Variants in CTNNA2 observed in about 807,000 individuals in gnomAD.
CTNNA2 encodes the protein catenin alpha-2.
A neutral mutation model predicts 101.0 loss-of-function variants in CTNNA2; 42 were observed. That is an observed-to-expected ratio of 0.42 (90% CI 0.32 to 0.54). The LOEUF is 0.54. Among genes scored for constraint, CTNNA2 ranks in the 20% least tolerant of loss-of-function variants. The pLI, the probability that CTNNA2 is intolerant of heterozygous loss-of-function variation, is 0.14. For synonymous variants in CTNNA2, 450 were observed against 456.4 expected, an observed-to-expected ratio of 0.99 and a Z score of 0.18; for missense variants, 871 against 1,223.1, an observed-to-expected ratio of 0.71 and a Z score of 4.29.
intron 14 of CTNNA2, among the ~76,000 whole-genome samples, chr2:80,587,490 C>T (rs111260891): frequency 6.6e-6 from 1 of 152,080 alleles, no homozygotes; most frequent in African/African-American, 2.4e-5. Context: ...CCACCATCAC[C>T]TTTTGAGGTA....
At chr2:79,418,419 C>T (rs1678506335) in intron 4 of CTNNA2, among the ~76,000 whole-genome samples, 1 of 152,120 alleles carries the variant, frequency 6.6e-6, no homozygotes, top group Admixed American at 6.6e-5. Context: ...AGTAGCTTGA[C>T]CTAAGCCCAG....
At chr2:79,622,442 T>C (rs960469575) in intron 1 of CTNNA2, among the ~76,000 whole-genome samples, 1 of 152,240 alleles carries the variant, frequency 6.6e-6, no homozygotes, top group Non-Finnish European at 1.5e-5. Flanking sequence ...GAAGAATTTA[T>C]GTAATGATCC....
At chr2:80,539,428 G>T (rs1691349497) in intron 9 of CTNNA2, among the ~76,000 whole-genome samples, 1 of 127,622 alleles carries the variant, frequency 7.8e-6, no homozygotes. Context: ...AAAAAAAAAA[G>T]TTATATTCAT....
intron 7 of CTNNA2, among the ~76,000 whole-genome samples, chr2:80,213,354 G>T (rs902638965): frequency 6.6e-6 from 1 of 152,096 alleles, no homozygotes; most frequent in Non-Finnish European, 1.5e-5. Context: ...GGCATTTAGT[G>T]CTATAAATTT....
intron 2 of CTNNA2, among the ~76,000 whole-genome samples, chr2:79,239,638 G>A (rs556979326): frequency 1.6e-4 from 25 of 152,208 alleles, no homozygotes; most frequent in African/African-American, 6.0e-4. Flanking sequence ...ATAGGCACAG[G>A]CAAAGATTTC....
intron 2 of CTNNA2, among the ~76,000 whole-genome samples, chr2:79,683,862 A>G (rs1411873993): frequency 1.3e-5 from 2 of 152,200 alleles, no homozygotes; most frequent in Non-Finnish European, 2.9e-5. Context: ...AAGCACTTGG[A>G]GTCTTTGTGT....
At chr2:79,264,654 G>A (rs1480626066) in intron 2 of CTNNA2, among the ~76,000 whole-genome samples, 1 of 152,056 alleles carries the variant, frequency 6.6e-6, no homozygotes, top group African/African-American at 2.4e-5. Context: ...AATCTCAGGA[G>A]TCAGGATGGT....
Position 79,869,804 on chromosome 2 carries a change from T to A in CTNNA2, c.466-12T>A, listed in dbSNP as rs1682447768. On this transcript the variant is annotated splice_polypyrimidine_tract_variant and intron_variant, in intron 4 of 18. Transcript: ENST00000402739. ...TATCCACTAATAAATATGTTGTTTT[T>A]CACCACTGCAGGTGGAAGAGGCCCT... The A allele has an allele frequency of 6.2e-7, 1 of 1,606,906 alleles. No individual in the cohort carries two copies. The highest frequency in any genetic ancestry group is 1.3e-5 in the African/African-American group (1 of 74,444).
intron 7 of CTNNA2, among the ~76,000 whole-genome samples, chr2:80,376,203 C>T (rs992105222): frequency 6.6e-6 from 1 of 152,042 alleles, no homozygotes; most frequent in Non-Finnish European, 1.5e-5. Flanking sequence ...TCCTAAATTC[C>T]TAATGAACTG....
intron 2 of CTNNA2, among the ~76,000 whole-genome samples, chr2:79,690,490 A>G (rs555086146): frequency 8.5e-5 from 13 of 152,164 alleles, no homozygotes; most frequent in Admixed American, 3.3e-4. Flanking sequence ...ATGGCCACAT[A>G]GTATTCCGTA....
At chr2:80,193,708 A>G (rs774288659) in intron 7 of CTNNA2, among the ~76,000 whole-genome samples, 7 of 152,100 alleles carry the variant, frequency 4.6e-5, no homozygotes, top group Non-Finnish European at 1.0e-4. Context: ...TTGAGCTCTT[A>G]TCATGTGTAA....
At chr2:79,356,071 A>T (rs1183986739) in intron 3 of CTNNA2, among the ~76,000 whole-genome samples, 1 of 151,446 alleles carries the variant, frequency 6.6e-6, no homozygotes, top group Non-Finnish European at 1.5e-5. Context: ...TATATATATA[A>T]ATATAAATAT....
chr2:79,910,826 T>C (rs1470820921), intron 7 of CTNNA2, among the ~76,000 whole-genome samples: 3 of 152,016 alleles, frequency 2.0e-5, no homozygotes, highest in African/African-American at 7.3e-5. Flanking sequence ...TGAGTAAAAA[T>C]ATGTAGCTAA....
chr2:79,441,029 T>C (rs927001680), intron 4 of CTNNA2, among the ~76,000 whole-genome samples: 6 of 152,204 alleles, frequency 3.9e-5, no homozygotes, highest in East Asian at 1.9e-4. Flanking sequence ...TGCCGAGCAA[T>C]GTTCTTCTTA....
intron 7 of CTNNA2, among the ~76,000 whole-genome samples, chr2:80,365,464 T>A (rs1015173468): frequency 6.6e-5 from 10 of 152,020 alleles, no homozygotes; most frequent in African/African-American, 2.4e-4. Flanking sequence ...CATGATTTTT[T>A]AAAAATGTAC....
intron 7 of CTNNA2, among the ~76,000 whole-genome samples, chr2:80,313,963 A>G (rs1018331466): frequency 2.6e-5 from 4 of 152,166 alleles, no homozygotes; most frequent in Admixed American, 2.0e-4. Flanking sequence ...GGTGATTTCA[A>G]TAGATGGATT....
intron 1 of CTNNA2, among the ~76,000 whole-genome samples, chr2:79,590,478 A>G (rs529344237): frequency 1.8e-4 from 27 of 152,334 alleles, no homozygotes; most frequent in Middle Eastern, 3.4e-3. Context: ...TAAAGTATTG[A>G]TATGGAGAAC....
chr2:79,301,021 T>C (rs897907963), intron 2 of CTNNA2, among the ~76,000 whole-genome samples: 3 of 152,306 alleles, frequency 2.0e-5, no homozygotes, highest in East Asian at 3.9e-4. Context: ...TCTTTTCTCT[T>C]TCTGAAATGC....
At chr2:79,909,917 AG>A in intron 7 of CTNNA2, 120 bp downstream of exon 7, 2 of 1,027,298 alleles carry the variant, frequency 1.9e-6, no homozygotes, top group Non-Finnish European at 2.8e-6. Context: ...AAAGAGAGTC[AG>A]GTGAAACCAA....
Sources: allele counts gnomAD v4.1 joint callset (sites outside exome capture counted in the v4.1 genomes callset), GRCh38; gene constraint gnomAD v4.1.1; transcripts MANE v1.5; gene names NCBI Gene and HGNC (gene_info 2026-07-23, HGNC 2026-07-21).